The following TRIM15 variants were observed in gnomAD, a reference collection of about 807,000 sequenced individuals.
The protein encoded by TRIM15 is tripartite motif containing 15, also known as E3 ubiquitin-protein ligase TRIM15.
Under a neutral mutation model 35.8 loss-of-function variants are expected in TRIM15, and 35 were observed. That is an observed-to-expected ratio of 0.98 (90% CI 0.75 to 1.30). TRIM15 has a LOEUF of 1.30. Among genes scored for constraint, TRIM15 ranks in the 50% most tolerant of loss-of-function variants. The pLI is 0.00. For synonymous variants in TRIM15, 252 were observed against 249.8 expected (o/e 1.01, Z -0.08); for missense variants, 590 against 593.5 (o/e 0.99, Z 0.06).
intron 1 of TRIM15, among the ~76,000 whole-genome samples, chr6:30,166,953 A>T (rs1352802746): frequency 6.6e-6 from 1 of 152,184 alleles, no homozygotes; most frequent in African/African-American, 2.4e-5. Flanking sequence ...CTGTGTTCCC[A>T]TCTCACTGTG....
Position 30,163,794 on chromosome 6 carries a change from G to C in TRIM15, c.110G>C (p.Arg37Pro). ...VTIPCGHTFC[R>P]LCLPALSQMG... ...ATTCCCTGTGGACACACCTTCTGCC[G>C]GCTCTGCCTCCCCGCGCTCTCCCAG... The change falls in exon 1 of 7, where the codon CGG becomes CCG. Residue 37 changes from arginine to proline, a missense_variant. Coordinates refer to ENST00000376694, the MANE Select transcript of TRIM15 (RefSeq NM_033229.3). 1.9e-6 allele frequency: 3 copies of C among 1,612,938 alleles called. No homozygotes were observed. Among genetic ancestry groups the C allele is most frequent in the Non-Finnish European group, 2.5e-6 (3 of 1,180,004 alleles).
In TRIM15 at chr6:30,163,868, G is replaced by C; in HGVS notation, c.184G>C (p.Glu62Gln). 1 of 1,613,034 alleles carries C rather than the reference G, an allele frequency of 6.2e-7. No homozygotes were observed. ...GATCCTGCTCTGCCCGCTCTGCCAAGAGGAGGAGCAGGCAGAGACTCCCAT... is the reference window on the plus strand; with the variant it reads ...GATCCTGCTCTGCCCGCTCTGCCAACAGGAGGAGCAGGCAGAGACTCCCAT... ...GKILLCPLCQ[E>Q]EEQAETPMAP... is the part of the protein sequence containing the mutation. The change falls in exon 1 of 7, where the codon GAG becomes CAG. Residue 62 changes from glutamate (E) to glutamine (Q), a missense_variant. Glu to Gln is a conservative substitution (Grantham distance 29). Coordinates refer to ENST00000376694, the MANE Select transcript of TRIM15 (RefSeq NM_033229.3).
At chr6:30,166,340 A>G (rs895900858) in intron 1 of TRIM15, among the ~76,000 whole-genome samples, 9 of 152,054 alleles carry the variant, frequency 5.9e-5, no homozygotes, top group African/African-American at 2.2e-4. Flanking sequence ...AGTTTTCCCA[A>G]CACCATTTAT....
At chr6:30,170,823 A>G (rs917575993) in intron 5 of TRIM15, among the ~76,000 whole-genome samples, 153 bp from the exon 6 acceptor site, 1 of 152,202 alleles carries the variant, frequency 6.6e-6, no homozygotes, top group Non-Finnish European at 1.5e-5. Flanking sequence ...CTGAGAGTCC[A>G]GGAGGGTGAG....
Position 30,168,302 on chromosome 6 carries a change from T to A in TRIM15, c.480T>A (p.Thr160=), listed in dbSNP as rs754036117. 6.2e-7 allele frequency: 1 copy of A among 1,612,236 alleles called. No homozygotes were observed. Among genetic ancestry groups the A allele is most frequent in the Non-Finnish European group, 8.5e-7 (1 of 1,179,572 alleles). ...TGTCTGCCTTTTATCCCTTGAAGAC[T>A]CAGATCGAAAGCAAGAAGCATCAGG... The part of the protein sequence containing the change: ...QEDQKLQVLL[T]QIESKKHQVE... The change falls in exon 3 of 7, where the codon ACT becomes ACA. Residue 160 remains threonine (T), a splice_region_variant and synonymous_variant. Transcript: ENST00000376694.
intron 1 of TRIM15, among the ~76,000 whole-genome samples, chr6:30,166,186 T>G (rs1318864349): frequency 6.6e-6 from 1 of 152,246 alleles, no homozygotes; most frequent in Non-Finnish European, 1.5e-5. Context: ...CCCATGCCTA[T>G]GTCCTGAATG....
Position 30,163,848 on chromosome 6 carries a change from T to A in TRIM15, c.164T>A (p.Leu55Gln), listed in dbSNP as rs755653544. 4 of 1,612,906 alleles carry A rather than the reference T, an allele frequency of 2.5e-6. No homozygotes were observed. The East Asian group carries it at 8.9e-5, about 36-fold the overall frequency. ...QMGAQSSGKI[L>Q]LCPLCQEEEQ... ...GGGGCCCAATCCTCGGGCAAGATCC[T>A]GCTCTGCCCGCTCTGCCAAGAGGAG... is the stretch of plus-strand genomic sequence containing the variant. The change falls in exon 1 of 7, where the codon CTG becomes CAG. Residue 55 changes from leucine to glutamine, a missense_variant. Coordinates refer to ENST00000376694, the MANE Select transcript of TRIM15 (RefSeq NM_033229.3).
intron 6 of TRIM15, 68 bp downstream of exon 6, chr6:30,171,076 C>A (rs41272591): frequency 0.16 from 249,281 of 1,521,504 alleles, 22,530 homozygotes; most frequent in East Asian, 0.34. Flanking sequence ...GCAAACAGAG[C>A]AATAAAATGC....
chr6:30,164,938 C>T (rs116371414), intron 1 of TRIM15, among the ~76,000 whole-genome samples: 1 of 152,156 alleles, frequency 6.6e-6, no homozygotes, highest in East Asian at 1.9e-4. Context: ...CAAGGCACCA[C>T]GTGTCTGGCC....
At chr6:30,170,840 T>C (rs1308680995) in intron 5 of TRIM15, 136 bp from the exon 6 acceptor site, 3 of 1,014,540 alleles carry the variant, frequency 3.0e-6, no homozygotes, top group Non-Finnish European at 4.4e-6. Flanking sequence ...TGAGGACCCT[T>C]CTCCTCCACT....
intron 1 of TRIM15, among the ~76,000 whole-genome samples, chr6:30,165,108 CT>C (rs201831242): frequency 3.8e-4 from 55 of 146,412 alleles, no homozygotes; most frequent in East Asian, 1.2e-3. Context: ...AAGTCCTTTT[CT>C]TTTTTTTTTT....
At position 30,163,759 on chromosome 6, in the gene TRIM15, T is replaced by A. The variant is rs545240416; in HGVS notation, c.75T>A (p.Asp25Glu). The A allele has an allele frequency of 6.2e-7, 1 of 1,613,006 alleles. No individual in the cohort carries two copies. Among genetic ancestry groups the A allele is most frequent in the African/African-American group, 1.3e-5 (1 of 75,060 alleles). The change falls in exon 1 of 7, where the codon GAT becomes GAA. Residue 25 changes from aspartate to glutamate, a missense_variant. Physicochemically the swap from Asp to Glu is conservative, Grantham distance 45. Coordinates refer to ENST00000376694, the MANE Select transcript of TRIM15 (RefSeq NM_033229.3). ...ACTLCAGPLE[D>E]AVTIPCGHTF... is the part of the protein sequence containing the mutation. ...CCCTCTGTGCGGGGCCGCTGGAGGA[T>A]GCGGTGACCATTCCCTGTGGACACA...
chr6:30,170,905 ACCTTG>A, intron 5 of TRIM15, 66 bp from the exon 6 acceptor site: 4 of 1,546,632 alleles, frequency 2.6e-6, no homozygotes, highest in Non-Finnish European at 2.6e-6. Context: ...TACTCAAGTC[ACCTTG>A]CCCCTGGGGG....
At chr6:30,168,603 G>A (rs1223458385) in intron 3 of TRIM15, 73 bp downstream of exon 3, 1 of 1,411,994 alleles carries the variant, frequency 7.1e-7, no homozygotes, top group South Asian at 1.2e-5. Flanking sequence ...CCATGCTTTG[G>A]GCTGGAGAGA....
chr6:30,172,227 G>C lies in TRIM15; in HGVS notation c.1276G>C (p.Val426Leu). The change falls in exon 7 of 7, where the codon GTG becomes CTG. Residue 426 changes from valine to leucine, a missense_variant. By Grantham distance (32) the Val-to-Leu change is conservative (BLOSUM62 1). Transcript: ENST00000376694. ...RVALDYEAGQ[V>L]TLHNAQTQEP... Reference sequence around the variant, plus strand: ...CGCCCTGGACTACGAGGCGGGGCAGGTGACCCTCCACAACGCCCAGACCCA... The same window carrying C: ...CGCCCTGGACTACGAGGCGGGGCAGCTGACCCTCCACAACGCCCAGACCCA... 6.2e-7 allele frequency: 1 copy of C among 1,612,268 alleles called. No individual in the cohort carries two copies. The highest frequency in any genetic ancestry group is 8.5e-7 in the Non-Finnish European group (1 of 1,179,720).
rs1773363975 is a variant in TRIM15, at chr6:30,163,848, T to TGCTCTGCCC, written c.173_181dup (p.Pro58_Cys60dup). 26 of 1,613,024 alleles carry TGCTCTGCCC rather than the reference T, an allele frequency of 1.6e-5. No homozygotes were observed. Among genetic ancestry groups the TGCTCTGCCC allele is most frequent in the Non-Finnish European group, 2.1e-5 (25 of 1,180,028 alleles). On this transcript the variant is annotated inframe_insertion, in exon 1 of 7. Coordinates refer to ENST00000376694, the MANE Select transcript of TRIM15 (RefSeq NM_033229.3). ...GGGGCCCAATCCTCGGGCAAGATCCTGCTCTGCCCGCTCTGCCAAGAGGAG... is the reference window on the plus strand; with the variant it reads ...GGGGCCCAATCCTCGGGCAAGATCCTGCTCTGCCCGCTCTGCCCGCTCTGCCAAGAGGAG...
chr6:30,172,055 C>A lies in TRIM15; in HGVS notation c.1104C>A (p.Ala368=). ...GDGGGCTVGV[A]GEGVRRKGEM... The stretch of plus-strand genomic sequence containing the variant: ...GCGGCGGCTGCACGGTGGGGGTGGC[C>A]GGGGAGGGGGTGAGGAGGAAGGGAG... Residue 368 remains alanine (A), a synonymous_variant, in exon 7 of 7, where the codon GCC becomes GCA. Coordinates refer to ENST00000376694, the MANE Select transcript of TRIM15 (RefSeq NM_033229.3). The A allele has an allele frequency of 6.4e-7, 1 of 1,569,068 alleles. No homozygotes were observed. Among genetic ancestry groups the A allele is most frequent in the Non-Finnish European group, 8.6e-7 (1 of 1,157,328 alleles).
chr6:30,163,681 C>A lies in TRIM15; in HGVS notation c.-4C>A. On this transcript the variant is annotated 5_prime_UTR_variant, in exon 1 of 7. Coordinates refer to ENST00000376694, the MANE Select transcript of TRIM15 (RefSeq NM_033229.3). ...GGAGTGGACGGGCTGGGGAAGGCAC[C>A]GTGATGCCCGCAACCCCGTCCCTGA... is the stretch of plus-strand genomic sequence containing the variant. The A allele has an allele frequency of 6.3e-7, 1 of 1,597,484 alleles. No individual in the cohort carries two copies. Among genetic ancestry groups the A allele is most frequent in the Non-Finnish European group, 8.5e-7 (1 of 1,170,754 alleles).
intron 6 of TRIM15, among the ~76,000 whole-genome samples, chr6:30,171,626 G>T (rs113728904): frequency 6.6e-6 from 1 of 152,226 alleles, no homozygotes; most frequent in African/African-American, 2.4e-5. Context: ...AGGTGGTGGG[G>T]ATGCTGCTGG....
Sources: allele counts gnomAD v4.1 joint callset (sites outside exome capture counted in the v4.1 genomes callset), GRCh38; gene constraint gnomAD v4.1.1; transcripts MANE v1.5; gene names NCBI Gene and HGNC (gene_info 2026-07-23, HGNC 2026-07-21).